The following SGCE variants were observed in gnomAD, a reference collection of about 807,000 sequenced individuals.
SGCE encodes epsilon-sarcoglycan.
Under a neutral mutation model 57.8 loss-of-function variants are expected in SGCE, and 26 were observed. The observed-to-expected ratio is 0.45, with a 90% CI of 0.33 to 0.62. The LOEUF (loss-of-function observed/expected upper bound fraction) is 0.62. SGCE is among the 20% of genes least tolerant of loss of function. The pLI is 0.02. For synonymous variants in SGCE, 183 were observed against 189.5 expected, an observed-to-expected ratio of 0.97 and a Z score of 0.28; for missense variants, 468 against 548.6, an observed-to-expected ratio of 0.85 and a Z score of 1.47.
rs1248665302 is a variant in SGCE at position 94,637,118 on chromosome 7, T to A, written c.110-7277A>T. 4.0e-5 allele frequency among the ~76,000 whole-genome samples: 6 copies of A among 151,760 alleles called. No individual in the cohort carries two copies. In the East Asian group the frequency reaches 1.2e-3, roughly 29 times the overall value. On this transcript the variant is annotated intron_variant, in intron 1 of 10. Coordinates refer to ENST00000648936, the MANE Select transcript of SGCE (RefSeq NM_003919.3). ...TTGTCAAATTTATTTTATATATAAA[T>A]GATCCTATCATCTTTTGTGCTCTCT...
At chr7:94,588,762 CTG>C in intron 9 of SGCE, 30 bp from the exon 10 acceptor site, 1 of 1,613,194 alleles carries the variant, frequency 6.2e-7, no homozygotes. Flanking sequence ...TTGAGTAAAA[CTG>C]TTTGTTTACA....
intron 1 of SGCE, among the ~76,000 whole-genome samples, chr7:94,655,619 C>T (rs74569652): frequency 0.084 from 12,699 of 152,048 alleles, 574 homozygotes; most frequent in East Asian, 0.13. Flanking sequence ...GGGAAACGGG[C>T]CCCCCAGAAA....
chr7:94,593,954 C>G (rs188766787), intron 9 of SGCE, among the ~76,000 whole-genome samples: 6 of 152,152 alleles, frequency 3.9e-5, no homozygotes, highest in Non-Finnish European at 8.8e-5. Flanking sequence ...CCATAACATA[C>G]ACTTCCACCA....
rs1799590590 is a variant in SGCE at position 94,603,471 on chromosome 7, C to G, written c.663-19G>C. ...ATAAACGCTGTAAAAATGTGAAACT[C>G]TCAGGTTATCCTTTAAGAAAATTGA... On this transcript the variant is annotated intron_variant, in intron 5 of 10. Coordinates refer to ENST00000648936, the MANE Select transcript of SGCE (RefSeq NM_003919.3). 2 of 1,610,180 alleles carry G rather than the reference C, an allele frequency of 1.2e-6. No individual in the cohort carries two copies. Among genetic ancestry groups the G allele is most frequent in the Non-Finnish European group, 8.5e-7 (1 of 1,177,042 alleles).
rs1472398693 is a variant in SGCE at position 94,618,781 on chromosome 7, A to T, written c.639T>A (p.Leu213=). 6.2e-7 allele frequency: 1 copy of T among 1,613,814 alleles called. No individual in the cohort carries two copies. The highest frequency in any genetic ancestry group is 1.3e-5 in the African/African-American group (1 of 74,920). ...SALDRGGRVP[L]PINDLKEGVY... ...ACCCCTCCTTCAGGTCATTAATGGGAAGTGGCACCCTGCCACCCCTGTCTA... is the reference window on the plus strand; with the variant it reads ...ACCCCTCCTTCAGGTCATTAATGGGTAGTGGCACCCTGCCACCCCTGTCTA... Residue 213 remains leucine, a synonymous_variant, in exon 5 of 11, where the codon CTT becomes CTA. Transcript: ENST00000648936.
chr7:94,639,441 T>C (rs914588359), intron 1 of SGCE: 6 of 1,523,632 alleles, frequency 3.9e-6, no homozygotes, highest in Non-Finnish European at 5.3e-6. Context: ...CACAGCTTAA[T>C]AAAAAAGCTT....
chr7:94,635,644 T>A (rs2117016086), intron 1 of SGCE, among the ~76,000 whole-genome samples: 1 of 152,370 alleles, frequency 6.6e-6, no homozygotes, highest in Non-Finnish European at 1.5e-5. Flanking sequence ...GATTCCTTTC[T>A]AATTTATTTT....
intron 1 of SGCE, among the ~76,000 whole-genome samples, chr7:94,646,278 C>T (rs1284164559): frequency 6.6e-6 from 1 of 152,210 alleles, no homozygotes; most frequent in East Asian, 1.9e-4. Flanking sequence ...GTGAGCAAGA[C>T]TCAACTGCAT....
chr7:94,600,359 T>A lies in SGCE; in HGVS notation c.1037+287A>T. 3 of 370,644 alleles carry A rather than the reference T, an allele frequency of 8.1e-6. No homozygotes were observed. The South Asian group carries it at 8.3e-5, about 10-fold the overall frequency. The allele number at this position is 370,644 out of a possible 1,614,324, so 23.0% of individuals were successfully genotyped here. On this transcript the variant is annotated intron_variant, in intron 7 of 10. Transcript: ENST00000648936. ...CTCTGCTCATGCAAGATGGCTTGTA[T>A]AACCAAAATATCTAGCCTCAATTAT...
intron 3 of SGCE, 77 bp downstream of exon 3, chr7:94,628,125 C>G (rs1156671258): frequency 8.2e-7 from 1 of 1,213,306 alleles, no homozygotes; most frequent in Admixed American, 1.9e-5. Context: ...ACACTTAAAA[C>G]TCAAATTACA....
At chr7:94,631,069 C>T (rs1804637957) in intron 1 of SGCE, among the ~76,000 whole-genome samples, 1 of 151,906 alleles carries the variant, frequency 6.6e-6, no homozygotes, top group African/African-American at 2.4e-5. Flanking sequence ...ACTTCAAAGG[C>T]TGTGTAACAG....
intron 7 of SGCE, 53 bp downstream of exon 7, chr7:94,600,593 T>A: frequency 7.5e-7 from 1 of 1,329,152 alleles, no homozygotes; most frequent in South Asian, 1.2e-5. Flanking sequence ...GAATCTTCTA[T>A]GTTGTTATCT....
At chr7:94,634,381 G>A (rs1805236572) in intron 1 of SGCE, among the ~76,000 whole-genome samples, 1 of 152,158 alleles carries the variant, frequency 6.6e-6, no homozygotes, top group Admixed American at 6.6e-5. Context: ...CGTATGGACT[G>A]TTTGGTTGCC....
At chr7:94,592,489 A>G (rs1218981110) in intron 9 of SGCE, among the ~76,000 whole-genome samples, 1 of 152,182 alleles carries the variant, frequency 6.6e-6, no homozygotes, top group East Asian at 1.9e-4. Context: ...ATTATGTGTA[A>G]ACTGCATTAT....
At chr7:94,595,690 T>C (rs894888901) in intron 9 of SGCE, among the ~76,000 whole-genome samples, 3 of 152,110 alleles carry the variant, frequency 2.0e-5, no homozygotes. Context: ...TTTTAAAACA[T>C]AGCTGTTTTT....
chr7:94,646,980 C>T (rs1053069299), intron 1 of SGCE, among the ~76,000 whole-genome samples: 7 of 152,188 alleles, frequency 4.6e-5, no homozygotes, highest in African/African-American at 1.4e-4. Flanking sequence ...TACCCTTAAT[C>T]GTCCTCGTGT....
intron 5 of SGCE, among the ~76,000 whole-genome samples, chr7:94,608,197 C>T (rs1490995995): frequency 6.6e-6 from 1 of 152,152 alleles, no homozygotes; most frequent in Non-Finnish European, 1.5e-5. Flanking sequence ...CAAAAATTAG[C>T]TGGGCATGGT....
At position 94,601,455 on chromosome 7, in the gene SGCE, A is replaced by AC. The variant is rs1444273974; in HGVS notation, c.826-599_826-598insG. 4.3e-4 allele frequency among the ~76,000 whole-genome samples: 29 copies of AC among 67,794 alleles called. No homozygotes were observed. In the Admixed American group the frequency reaches 5.3e-3, roughly 12 times the overall value. The allele number at this position is 67,794 out of a possible 152,430, so 44.5% of individuals were successfully genotyped here. A position where few individuals can be genotyped will look rare whatever the true frequency, so the allele number is the denominator to read the frequency against. On this transcript the variant is annotated intron_variant, in intron 6 of 10. Transcript: ENST00000648936. ...TCTATCCCAGTATCAAAAAAAAAAAAAAAAAAAAAAAAAAAAAAAAACTAC... is the reference window on the plus strand; with the variant it reads ...TCTATCCCAGTATCAAAAAAAAAAAACAAAAAAAAAAAAAAAAAAAAACTAC...
chr7:94,619,185 A>G (rs1802389850), intron 4 of SGCE: 2 of 473,542 alleles, frequency 4.2e-6, no homozygotes, highest in South Asian at 5.4e-5. Context: ...GGCTCATCAG[A>G]GGCTCATCAG....
Sources: gnomAD v4.1 joint callset for allele counts (sites outside exome capture counted in the v4.1 genomes callset) on GRCh38, gnomAD v4.1.1 for gene constraint, MANE v1.5 for transcripts, NCBI Gene and HGNC (gene_info 2026-07-23, HGNC 2026-07-21) for gene names.